Variants in PPP2R2B observed in about 807,000 individuals in gnomAD.
PPP2R2B encodes serine/threonine-protein phosphatase 2A 55 kDa regulatory subunit B beta isoform.
PPP2R2B carries 5 observed loss-of-function variants against 46.0 expected under a neutral mutation model. That is an observed-to-expected ratio of 0.11 (90% confidence interval 0.06 to 0.23). The LOEUF is 0.23. PPP2R2B is among the 10% of genes least tolerant of loss of function. The pLI is 1.00. For missense variants in PPP2R2B, 367 were observed against 575.0 expected (o/e 0.64, Z 3.70); for synonymous variants, 215 against 206.7 (o/e 1.04, Z -0.34).
At chr5:146,950,181 G>A (rs1442685102) in intron 1 of PPP2R2B, among the ~76,000 whole-genome samples, 3 of 151,976 alleles carry the variant, frequency 2.0e-5, no homozygotes, top group Admixed American at 1.3e-4. Flanking sequence ...CATTTATCCC[G>A]ATGTGATTAT....
At chr5:147,009,547 A>G (rs2151876203) in intron 1 of PPP2R2B, among the ~76,000 whole-genome samples, 1 of 152,288 alleles carries the variant, frequency 6.6e-6, no homozygotes, top group Non-Finnish European at 1.5e-5. Flanking sequence ...AGGTGGAAGG[A>G]AAGATTAAGT....
chr5:146,638,465 G>A (rs766445648), intron 6 of PPP2R2B, 50 bp from the exon 7 acceptor site: 1 of 1,506,638 alleles, frequency 6.6e-7, no homozygotes, highest in Non-Finnish European at 9.1e-7. Context: ...GCAGGAACTT[G>A]GGGAAGGGGA....
chr5:146,749,606 C>CTTT (rs1045634394), intron 2 of PPP2R2B, among the ~76,000 whole-genome samples: 4 of 103,842 alleles, frequency 3.9e-5, no homozygotes, highest in African/African-American at 7.3e-5. Flanking sequence ...CTTTTCTTTT[C>CTTT]TTTTTTTTTT....
At chr5:146,902,533 G>T (rs1469226968) in intron 1 of PPP2R2B, among the ~76,000 whole-genome samples, 2 of 152,072 alleles carry the variant, frequency 1.3e-5, no homozygotes, top group Non-Finnish European at 2.9e-5. Flanking sequence ...ACATTTAATT[G>T]TCACAAAAAT....
intron 7 of PPP2R2B, among the ~76,000 whole-genome samples, chr5:146,636,679 T>A (rs918998185): frequency 2.6e-5 from 4 of 152,214 alleles, no homozygotes; most frequent in Non-Finnish European, 5.9e-5. Flanking sequence ...AACCAGACTC[T>A]GGGTATAATA....
chr5:146,667,651 A>G (rs899994145), intron 5 of PPP2R2B, among the ~76,000 whole-genome samples: 2 of 152,104 alleles, frequency 1.3e-5, no homozygotes, highest in African/African-American at 4.8e-5. Context: ...AGCATATGAA[A>G]TAGAACAGGG....
chr5:146,635,548 A>G (rs1234743525), intron 7 of PPP2R2B, among the ~76,000 whole-genome samples: 1 of 152,212 alleles, frequency 6.6e-6, no homozygotes, highest in Non-Finnish European at 1.5e-5. Flanking sequence ...AGTGTCAGCC[A>G]CACTGGGCTA....
At chr5:146,608,326 T>C (rs543302552) in intron 7 of PPP2R2B, among the ~76,000 whole-genome samples, 6 of 152,252 alleles carry the variant, frequency 3.9e-5, no homozygotes, top group Admixed American at 1.3e-4. Context: ...GGATGGTACA[T>C]GGAATGAACT....
At chr5:147,016,558 C>CCTTGCCATTGAGGAG (rs141651691) in intron 1 of PPP2R2B, among the ~76,000 whole-genome samples, 1 of 150,570 alleles carries the variant, frequency 6.6e-6, no homozygotes, top group East Asian at 2.1e-4. Flanking sequence ...ACATAGGGGA[C>CCTTGCCATTGAGGAG]ACAGTCACAT....
intron 1 of PPP2R2B, among the ~76,000 whole-genome samples, chr5:147,001,371 G>A (rs1580781353): frequency 6.6e-6 from 1 of 151,974 alleles, no homozygotes; most frequent in Non-Finnish European, 1.5e-5. Context: ...GCGAGATGAT[G>A]AACCCACCAG....
intron 1 of PPP2R2B, among the ~76,000 whole-genome samples, chr5:146,921,471 C>T (rs1262819675): frequency 1.3e-5 from 2 of 152,188 alleles, no homozygotes; most frequent in South Asian, 2.1e-4. Flanking sequence ...CTAGAGCACA[C>T]GTGCTTATGC....
At chr5:146,689,546 A>G (rs755474574) in intron 5 of PPP2R2B, among the ~76,000 whole-genome samples, 1 of 152,140 alleles carries the variant, frequency 6.6e-6, no homozygotes, top group Non-Finnish European at 1.5e-5. Flanking sequence ...GCATAAGTAT[A>G]CTCTATGATG....
intron 5 of PPP2R2B, among the ~76,000 whole-genome samples, chr5:146,686,695 T>C (rs59645635): frequency 0.028 from 4,301 of 152,248 alleles, 219 homozygotes; most frequent in African/African-American, 0.098. Context: ...CAGGTAAAAA[T>C]GCCGATTTCA....
At chr5:146,874,664 T>C (rs1761795619) in intron 2 of PPP2R2B, among the ~76,000 whole-genome samples, 1 of 152,138 alleles carries the variant, frequency 6.6e-6, no homozygotes, top group South Asian at 2.1e-4. Flanking sequence ...TGTGGCCCCA[T>C]TTGAAAGTAG....
At chr5:146,974,801 G>A (rs1752824084) in intron 1 of PPP2R2B, among the ~76,000 whole-genome samples, 1 of 150,066 alleles carries the variant, frequency 6.7e-6, no homozygotes, top group South Asian at 2.1e-4. Context: ...CCATTCTCCT[G>A]CCTCAACTTC....
intron 2 of PPP2R2B, among the ~76,000 whole-genome samples, chr5:146,799,467 C>T (rs996176215): frequency 1.3e-5 from 2 of 152,134 alleles, no homozygotes; most frequent in Non-Finnish European, 2.9e-5. Flanking sequence ...CCAAAATATA[C>T]AGTTTTGTAA....
At chr5:146,741,452 G>A (rs1042237088) in intron 2 of PPP2R2B, among the ~76,000 whole-genome samples, 2 of 152,184 alleles carry the variant, frequency 1.3e-5, no homozygotes, top group East Asian at 1.9e-4. Context: ...TAAAAATCCC[G>A]CCTTTCTAGG....
At chr5:146,887,011 T>C (rs1480229217) in intron 1 of PPP2R2B, among the ~76,000 whole-genome samples, 1 of 151,964 alleles carries the variant, frequency 6.6e-6, no homozygotes, top group Non-Finnish European at 1.5e-5. Context: ...AGAAATATAA[T>C]GCAAACCACA....
intron 9 of PPP2R2B, among the ~76,000 whole-genome samples, chr5:146,590,912 T>A (rs1770579429): frequency 6.6e-6 from 1 of 151,122 alleles, no homozygotes; most frequent in Non-Finnish European, 1.5e-5. Context: ...AGATTTTATA[T>A]GGTTTTTTTC....
Sources: allele counts gnomAD v4.1 joint callset (sites outside exome capture counted in the v4.1 genomes callset), GRCh38; gene constraint gnomAD v4.1.1; transcripts MANE v1.5; gene names NCBI Gene and HGNC (gene_info 2026-07-23, HGNC 2026-07-21).